The following KSR2 variants were observed in gnomAD, a reference collection of about 807,000 sequenced individuals.
KSR2 encodes kinase suppressor of ras 2.
Under a neutral mutation model 107.8 loss-of-function variants are expected in KSR2, and 25 were observed. The observed-to-expected ratio is 0.23, with a 90% confidence interval of 0.17 to 0.32. The LOEUF (loss-of-function observed/expected upper bound fraction) is 0.32. Ranked by LOEUF, KSR2 falls within the 10% of genes least tolerant of loss-of-function variation. The pLI is 1.00. For missense variants in KSR2, 887 were observed against 1,268.9 expected (o/e 0.70, Z 4.57); for synonymous variants, 480 against 507.0 (o/e 0.95, Z 0.71).
intron 7 of KSR2, 67 bp downstream of exon 7, chr12:117,579,052 A>T (rs929705013): frequency 3.3e-5 from 37 of 1,111,146 alleles, no homozygotes; most frequent in Non-Finnish European, 5.0e-5. Context: ...AAGGCTGTTC[A>T]GTGCCCTGCA....
At chr12:117,656,998 A>AG (rs1198636263) in intron 5 of KSR2, among the ~76,000 whole-genome samples, 7 of 138,770 alleles carry the variant, frequency 5.0e-5, no homozygotes, top group African/African-American at 1.6e-4. Flanking sequence ...ATATATATAT[A>AG]TATATATATA....
chr12:117,762,486 C>G (rs1278442384), intron 3 of KSR2, among the ~76,000 whole-genome samples: 2 of 152,184 alleles, frequency 1.3e-5, no homozygotes, highest in African/African-American at 2.4e-5. Flanking sequence ...GCCAAAGCAG[C>G]CATGATAGAC....
At chr12:117,527,990 TGTGTGTGA>T (rs1453328950) in intron 12 of KSR2, among the ~76,000 whole-genome samples, 1 of 136,264 alleles carries the variant, frequency 7.3e-6, no homozygotes, top group African/African-American at 2.8e-5. Context: ...TGTGTGTGTG[TGTGTGTGA>T]TGCATTCATA....
At position 117,702,048 on chromosome 12, in the gene KSR2, G is replaced by A. The variant is rs1886348412; in HGVS notation, c.987-34390C>T. On this transcript the variant is annotated intron_variant, in intron 4 of 19. Coordinates refer to ENST00000339824, the MANE Select transcript of KSR2 (RefSeq NM_173598.6). ...TCCCACTTGCTCTTTCTCCTCAGCC[G>A]CACCATCCTTCCTTGTCACTCAAGT... is the stretch of plus-strand genomic sequence containing the variant. Among the ~76,000 whole-genome samples the A allele has an allele frequency of 2.6e-5, 4 of 152,248 alleles. No homozygotes were observed. The South Asian group carries it at 6.2e-4, about 24-fold the overall frequency.
intron 1 of KSR2, among the ~76,000 whole-genome samples, chr12:117,928,729 T>C (rs993804528): frequency 6.6e-6 from 1 of 152,216 alleles, no homozygotes; most frequent in African/African-American, 2.4e-5. Flanking sequence ...ATTTAATTTT[T>C]TTGAAGAACC....
intron 3 of KSR2, among the ~76,000 whole-genome samples, chr12:117,824,592 C>T (rs921094093): frequency 1.3e-5 from 2 of 152,102 alleles, no homozygotes; most frequent in African/African-American, 4.8e-5. Flanking sequence ...CGCGGTGGCT[C>T]ATACCTGTAA....
At chr12:117,779,080 C>T (rs1227203633) in intron 3 of KSR2, among the ~76,000 whole-genome samples, 1 of 152,178 alleles carries the variant, frequency 6.6e-6, no homozygotes, top group Admixed American at 6.5e-5. Flanking sequence ...TCTGCAAAGA[C>T]AGTGCTTATG....
At chr12:117,498,148 A>G (rs1405822828) in intron 14 of KSR2, among the ~76,000 whole-genome samples, 2 of 152,118 alleles carry the variant, frequency 1.3e-5, no homozygotes, top group Non-Finnish European at 2.9e-5. Context: ...TCAGGACTCA[A>G]ACCTTCACCT....
chr12:117,728,191 G>A (rs964319131), intron 4 of KSR2, among the ~76,000 whole-genome samples: 3 of 152,130 alleles, frequency 2.0e-5, no homozygotes, highest in African/African-American at 7.2e-5. Flanking sequence ...GGTTTTTATT[G>A]TATATAATTT....
chr12:117,687,034 C>T (rs1885601870), intron 4 of KSR2, among the ~76,000 whole-genome samples: 1 of 152,132 alleles, frequency 6.6e-6, no homozygotes, highest in South Asian at 2.1e-4. Flanking sequence ...AGCTTCCTCG[C>T]TTGTAAAATG....
At chr12:117,804,867 C>T in intron 3 of KSR2, among the ~76,000 whole-genome samples, 1 of 152,138 alleles carries the variant, frequency 6.6e-6, no homozygotes, top group African/African-American at 2.4e-5. Context: ...TCCAAAGGCA[C>T]ACAGTTGGAA....
At position 117,661,255 on chromosome 12, in the gene KSR2, G is replaced by A. The variant is rs1028690741; in HGVS notation, c.1171+6219C>T. Among the ~76,000 whole-genome samples, 10 of 138,106 alleles carry A rather than the reference G, an allele frequency of 7.2e-5. No homozygotes were observed. In the South Asian group the frequency reaches 1.4e-3, roughly 19 times the overall value. 90.6% of individuals were successfully genotyped at this position (138,106 alleles called of 152,430 possible). A position where few individuals can be genotyped will look rare whatever the true frequency, so the allele number is the denominator to read the frequency against. ...AAACACAATATGTGACCTCAGATTC[G>A]ATCCTGTACCAGAAAAAAAAAAATT... On this transcript the variant is annotated intron_variant, in intron 5 of 19. Transcript: ENST00000339824.
chr12:117,570,002 G>C (rs1878772369), intron 7 of KSR2, among the ~76,000 whole-genome samples: 1 of 150,500 alleles, frequency 6.6e-6, no homozygotes. Flanking sequence ...AATGTCTGCA[G>C]ACTTTTTTTT....
intron 12 of KSR2, among the ~76,000 whole-genome samples, chr12:117,530,455 A>T (rs1425211083): frequency 6.6e-6 from 1 of 152,182 alleles, no homozygotes; most frequent in Non-Finnish European, 1.5e-5. Flanking sequence ...TGTTCCAATA[A>T]AACTTTAAAT....
chr12:117,938,297 G>A (rs533479269), intron 1 of KSR2, among the ~76,000 whole-genome samples: 118 of 152,106 alleles, frequency 7.8e-4, no homozygotes, highest in African/African-American at 2.7e-3. Context: ...TGCATTTAAC[G>A]TAAAGTGGAA....
chr12:117,704,706 A>C (rs1017871775), intron 4 of KSR2, among the ~76,000 whole-genome samples: 4 of 151,996 alleles, frequency 2.6e-5, no homozygotes, highest in African/African-American at 9.7e-5. Flanking sequence ...AAAAATACAA[A>C]ACATTAGCTG....
chr12:117,893,141 C>A (rs1894400331), intron 1 of KSR2, among the ~76,000 whole-genome samples: 1 of 151,850 alleles, frequency 6.6e-6, no homozygotes, highest in Non-Finnish European at 1.5e-5. Flanking sequence ...CTTCAGCCTC[C>A]CAAGTAGCTG....
At chr12:117,710,681 C>T (rs607851) in intron 4 of KSR2, among the ~76,000 whole-genome samples, 64,457 of 151,928 alleles carry the variant, frequency 0.42, 14,948 homozygotes, top group African/African-American at 0.63. Context: ...TATCCATGAT[C>T]GTAAGAATTA....
intron 5 of KSR2, among the ~76,000 whole-genome samples, chr12:117,589,701 T>C (rs1731946224): frequency 2.0e-5 from 3 of 152,254 alleles, no homozygotes; most frequent in Admixed American, 6.5e-5. Flanking sequence ...CTGCTCATGA[T>C]ATCATTCACA....
Sources: gnomAD v4.1 joint callset for allele counts (sites outside exome capture counted in the v4.1 genomes callset) on GRCh38, gnomAD v4.1.1 for gene constraint, MANE v1.5 for transcripts, NCBI Gene and HGNC (gene_info 2026-07-23, HGNC 2026-07-21) for gene names.